The following RNLS variants were observed in gnomAD, a reference collection of about 807,000 sequenced individuals.
RNLS encodes renalase.
A neutral mutation model predicts 39.8 loss-of-function variants in RNLS; 39 were observed. The observed-to-expected ratio is 0.98, with a 90% CI of 0.76 to 1.28. RNLS has a LOEUF of 1.28. RNLS is among the 50% of genes most tolerant of loss of function. RNLS has a pLI of 0.00. For synonymous variants in RNLS, 147 were observed against 150.7 expected (o/e 0.98, Z 0.18); for missense variants, 410 against 413.3 (o/e 0.99, Z 0.07).
At chr10:88,257,403 T>A in the RNLS span, among the ~76,000 whole-genome samples, 1 of 152,148 alleles carries the variant, frequency 6.6e-6, no homozygotes, top group Non-Finnish European at 1.5e-5. Context: ...TATATTGGCT[T>A]TACTCCCAAT....
At chr10:88,563,331 A>C (rs902800983) in intron 4 of RNLS, among the ~76,000 whole-genome samples, 5 of 152,178 alleles carry the variant, frequency 3.3e-5, no homozygotes, top group African/African-American at 1.2e-4. Flanking sequence ...TTTAGTGAAA[A>C]GAATCTTTAT....
intron 4 of RNLS, among the ~76,000 whole-genome samples, chr10:88,490,548 G>T (rs1253466213): frequency 6.6e-6 from 1 of 152,134 alleles, no homozygotes. Context: ...CATACATTTT[G>T]CAGGAGTAAC....
chr10:88,292,179 T>C (rs924445544), intron 6 of RNLS, among the ~76,000 whole-genome samples: 2 of 151,542 alleles, frequency 1.3e-5, no homozygotes, highest in Admixed American at 6.6e-5. Flanking sequence ...CTTTGAGATA[T>C]GGGTCTTGGA....
intron 4 of RNLS, among the ~76,000 whole-genome samples, chr10:88,502,201 C>T (rs984422561): frequency 7.9e-5 from 12 of 152,028 alleles, no homozygotes; most frequent in Middle Eastern, 3.4e-3. Flanking sequence ...ATAATGGCTA[C>T]GCTATGGCTT....
At chr10:88,264,410 C>T in the RNLS span, among the ~76,000 whole-genome samples, 6 of 152,090 alleles carry the variant, frequency 3.9e-5, no homozygotes, top group East Asian at 1.9e-4. Flanking sequence ...GTTTTCATAG[C>T]GGTTGTACTA....
At chr10:88,249,097 G>A in the RNLS span, among the ~76,000 whole-genome samples, 1 of 152,204 alleles carries the variant, frequency 6.6e-6, no homozygotes, top group Non-Finnish European at 1.5e-5. Context: ...TAGGCTTCTG[G>A]ATGGGTTATG....
intron 4 of RNLS, among the ~76,000 whole-genome samples, chr10:88,398,606 G>A (rs1383944110): frequency 6.6e-6 from 1 of 151,920 alleles, no homozygotes; most frequent in Non-Finnish European, 1.5e-5. Context: ...AATACAAGGT[G>A]GATATCTACT....
Position 88,510,955 on chromosome 10 carries a change from A to T in RNLS, c.526+61948T>A, listed in dbSNP as rs935783884. On this transcript the variant is annotated intron_variant, in intron 4 of 6. Coordinates refer to ENST00000331772, the MANE Select transcript of RNLS (RefSeq NM_001031709.3). Reference sequence around the variant, plus strand: ...CTTTTTTTAAAGCCTTACCTGCTTTAAAAAAATTCATCCACGTAAGAAGAC... The same window carrying T: ...CTTTTTTTAAAGCCTTACCTGCTTTTAAAAAATTCATCCACGTAAGAAGAC... Among the ~76,000 whole-genome samples the T allele has an allele frequency of 2.0e-5, 3 of 151,032 alleles. No homozygotes were observed. In the East Asian group the frequency reaches 5.8e-4, roughly 29 times the overall value.
At chr10:88,383,058 C>A (rs1774971) in intron 4 of RNLS, among the ~76,000 whole-genome samples, 137,247 of 152,134 alleles carry the variant, frequency 0.9, 62,048 homozygotes, top group Non-Finnish European at 0.92. Flanking sequence ...TGTGGAACAT[C>A]TTTAAATCTA....
the RNLS span, among the ~76,000 whole-genome samples, chr10:88,195,634 A>T: frequency 2.6e-5 from 4 of 152,168 alleles, no homozygotes; most frequent in Non-Finnish European, 4.4e-5. Context: ...GGGTACCCAG[A>T]TGCCACACAG....
intron 4 of RNLS, among the ~76,000 whole-genome samples, chr10:88,437,220 A>G (rs373856342): frequency 2.0e-5 from 3 of 152,352 alleles, no homozygotes; most frequent in East Asian, 3.9e-4. Flanking sequence ...AGAAGTATCA[A>G]TCTGCTTGAA....
exon 7 of RNLS, chr10:88,274,806 C>G (rs534859463): frequency 1.9e-6 from 1 of 521,668 alleles, no homozygotes; most frequent in African/African-American, 1.9e-5. Flanking sequence ...ACATTCCCAC[C>G]GGCACTGCAC....
At chr10:88,453,828 G>A (rs1173883361) in intron 4 of RNLS, among the ~76,000 whole-genome samples, 1 of 152,158 alleles carries the variant, frequency 6.6e-6, no homozygotes, top group Middle Eastern at 3.2e-3. Context: ...ATATTCTTGA[G>A]TATTACCACT....
At chr10:88,415,163 G>C (rs1172964426) in intron 4 of RNLS, among the ~76,000 whole-genome samples, 1 of 152,216 alleles carries the variant, frequency 6.6e-6, no homozygotes, top group Non-Finnish European at 1.5e-5. Context: ...ACATTCCTGA[G>C]CATATGGGCA....
At chr10:88,487,805 C>T (rs1041927024) in intron 4 of RNLS, among the ~76,000 whole-genome samples, 9 of 151,972 alleles carry the variant, frequency 5.9e-5, no homozygotes, top group South Asian at 4.1e-4. Flanking sequence ...TTGTCATAGT[C>T]GCAAATGGGA....
At chr10:88,193,568 A>AT in the RNLS span, among the ~76,000 whole-genome samples, 1 of 151,882 alleles carries the variant, frequency 6.6e-6, no homozygotes, top group Non-Finnish European at 1.5e-5. Context: ...AATCATACGT[A>AT]TTTTTTAAGA....
chr10:88,579,520 G>C (rs1031740984), intron 3 of RNLS, among the ~76,000 whole-genome samples: 8 of 152,198 alleles, frequency 5.3e-5, no homozygotes, highest in Non-Finnish European at 1.5e-5. Context: ...GAAGGTCAGA[G>C]AGAGCTACTT....
chr10:88,453,275 A>T (rs1842451781), intron 4 of RNLS, among the ~76,000 whole-genome samples: 1 of 152,204 alleles, frequency 6.6e-6, no homozygotes, highest in East Asian at 1.9e-4. Context: ...GCTCTTAGTG[A>T]CATTCCCTCT....
chr10:88,174,317 C>T, the RNLS span, among the ~76,000 whole-genome samples: 14 of 151,940 alleles, frequency 9.2e-5, no homozygotes, highest in Admixed American at 2.0e-4. Flanking sequence ...AGTTCTTGTT[C>T]CAGATCTTAG....
Sources: allele counts gnomAD v4.1 joint callset (sites outside exome capture counted in the v4.1 genomes callset), GRCh38; gene constraint gnomAD v4.1.1; transcripts MANE v1.5; gene names NCBI Gene and HGNC (gene_info 2026-07-23, HGNC 2026-07-21).